The following ACSL4 variants were observed in gnomAD, a reference collection of about 807,000 sequenced individuals.
ACSL4 encodes acyl-CoA synthetase long chain family member 4, also known as long-chain-fatty-acid--CoA ligase 4.
ACSL4 carries 9 observed loss-of-function variants against 49.1 expected under a neutral mutation model. The observed-to-expected ratio is 0.18, with a 90% CI of 0.11 to 0.32. ACSL4 has a LOEUF of 0.32. Ranked by LOEUF, ACSL4 falls within the 10% of genes least tolerant of loss-of-function variation. The pLI, the probability that ACSL4 is intolerant of heterozygous loss-of-function variation, is 1.00. For synonymous variants in ACSL4, 191 were observed against 170.3 expected (o/e 1.12, Z -0.95); for missense variants, 333 against 493.7 (o/e 0.67, Z 3.08).
intron 2 of ACSL4, among the ~76,000 whole-genome samples, chrX:109,690,759 G>C (rs1024269105): frequency 3.7e-5 from 3 of 80,464 alleles, no homozygotes; most frequent in Non-Finnish European, 4.9e-5. Context: ...AGACATTTTA[G>C]GGGGGGGGGG....
At chrX:109,669,610 G>A (rs1223359139) in intron 9 of ACSL4, among the ~76,000 whole-genome samples, 1 of 111,525 alleles carries the variant, frequency 9.0e-6, no homozygotes, top group Non-Finnish European at 1.9e-5. Flanking sequence ...AGCCAGGCTG[G>A]TGTCGAACTC....
chrX:109,669,543 G>A (rs760156868), intron 9 of ACSL4, among the ~76,000 whole-genome samples: 1 of 110,428 alleles, frequency 9.1e-6, no homozygotes, highest in South Asian at 3.9e-4. Context: ...ACAGGCGCCT[G>A]CCACCACACC....
At chrX:109,656,167 C>T in intron 15 of ACSL4, among the ~76,000 whole-genome samples, 1 of 110,877 alleles carries the variant, frequency 9.0e-6, no homozygotes, top group East Asian at 2.8e-4. Context: ...GGATAAAGGG[C>T]TCTAAGAAGT....
chrX:109,692,449 T>A (rs1468659773), intron 2 of ACSL4, among the ~76,000 whole-genome samples: 2 of 112,187 alleles, frequency 1.8e-5, no homozygotes, highest in Non-Finnish European at 3.8e-5. Context: ...ATTTAAGGAA[T>A]CTTGAGGATA....
At chrX:109,725,431 C>A (rs1353872527) in intron 1 of ACSL4, among the ~76,000 whole-genome samples, 3 of 111,248 alleles carry the variant, frequency 2.7e-5, no homozygotes, top group African/African-American at 9.8e-5. Context: ...TAACTCCAGG[C>A]CCATTGATTT....
At chrX:109,707,340 C>T (rs1455206331) in intron 1 of ACSL4, among the ~76,000 whole-genome samples, 2 of 112,239 alleles carry the variant, frequency 1.8e-5, no homozygotes, top group Admixed American at 9.5e-5. Flanking sequence ...CAAAAGTATA[C>T]AAAAAGGCAC....
chrX:109,705,916 C>CA (rs1926320116), intron 1 of ACSL4, among the ~76,000 whole-genome samples: 1 of 112,561 alleles, frequency 8.9e-6, no homozygotes, highest in Non-Finnish European at 1.9e-5. Context: ...AGGCTGGTCT[C>CA]AAACTCCCGA....
At chrX:109,716,392 TA>T (rs1416079868) in intron 1 of ACSL4, among the ~76,000 whole-genome samples, 2 of 112,360 alleles carry the variant, frequency 1.8e-5, no homozygotes, top group African/African-American at 6.5e-5. Flanking sequence ...TGAATGTTAT[TA>T]AAAACTTCCT....
At chrX:109,711,275 C>T (rs960481892) in intron 1 of ACSL4, among the ~76,000 whole-genome samples, 7 of 111,961 alleles carry the variant, frequency 6.3e-5, no homozygotes, top group African/African-American at 2.3e-4. Context: ...ATCCTATAAG[C>T]TCCAGCTCTT....
At chrX:109,670,772 C>T (rs1603403297) in intron 9 of ACSL4, among the ~76,000 whole-genome samples, 1 of 111,342 alleles carries the variant, frequency 9.0e-6, no homozygotes, top group Admixed American at 9.4e-5. Flanking sequence ...ATTGCAGGCG[C>T]GTGCCGCCAC....
intron 10 of ACSL4, among the ~76,000 whole-genome samples, chrX:109,668,687 T>A (rs750837264): frequency 1.8e-5 from 2 of 112,076 alleles, no homozygotes; most frequent in African/African-American, 6.5e-5. Context: ...ATACAATAAA[T>A]CAGAAACCTT....
At chrX:109,654,136 T>C (rs1029669256) in intron 15 of ACSL4, among the ~76,000 whole-genome samples, 8 of 110,288 alleles carry the variant, frequency 7.3e-5, no homozygotes, top group African/African-American at 2.6e-4. Context: ...CACCTAAAAA[T>C]CTAATAGGGA....
intron 15 of ACSL4, among the ~76,000 whole-genome samples, chrX:109,648,779 T>C (rs1224702100): frequency 2.5e-4 from 25 of 101,228 alleles, no homozygotes; most frequent in Admixed American, 1.7e-3. Context: ...GAAAACCCCA[T>C]TGTCTCAGCC....
chrX:109,719,095 T>TAAAC (rs77436758), intron 1 of ACSL4, among the ~76,000 whole-genome samples: 46,731 of 110,125 alleles, frequency 0.42, 8,279 homozygotes, highest in Middle Eastern at 0.61. Context: ...ACAAACAAAA[T>TAAAC]AAACAAACAA....
At position 109,691,808 on chromosome X, in the gene ACSL4, A is replaced by G. The variant is rs188416276; in HGVS notation, c.-13+4336T>C. ...TTGCAAATAACAAGCAGTCTATTCAATATCAAATAACTTGTGCAATCAAAC... is the reference window on the plus strand; with the variant it reads ...TTGCAAATAACAAGCAGTCTATTCAGTATCAAATAACTTGTGCAATCAAAC... On this transcript the variant is annotated intron_variant, in intron 2 of 15. Transcript: ENST00000672401. 5.0e-3 allele frequency among the ~76,000 whole-genome samples: 559 copies of G among 112,229 alleles called. 5 individuals are homozygous for G. The highest frequency in any genetic ancestry group is 0.015 in the African/African-American group (471 of 30,925).
At chrX:109,669,681 C>T (rs1211817162) in intron 9 of ACSL4, among the ~76,000 whole-genome samples, 3 of 112,294 alleles carry the variant, frequency 2.7e-5, no homozygotes, top group Non-Finnish European at 5.6e-5. Flanking sequence ...CGTGAGCCAC[C>T]GTGCCCAGCC....
intron 1 of ACSL4, among the ~76,000 whole-genome samples, chrX:109,714,712 C>A (rs779146084): frequency 8.9e-6 from 1 of 112,123 alleles, no homozygotes; most frequent in Non-Finnish European, 1.9e-5. Context: ...CAGTCACATG[C>A]TGTACAGGTT....
At chrX:109,668,380 A>G in intron 10 of ACSL4, 107 bp from the exon 11 acceptor site, 5 of 687,181 alleles carry the variant, frequency 7.3e-6, no homozygotes, top group Non-Finnish European at 1.1e-5. Context: ...GAACATCTCA[A>G]TGTCAGAATC....
At chrX:109,687,125 T>C (rs1050456053) in intron 2 of ACSL4, among the ~76,000 whole-genome samples, 5 of 111,962 alleles carry the variant, frequency 4.5e-5, no homozygotes, top group Non-Finnish European at 9.4e-5. Context: ...CCCAGTGCTC[T>C]TTCAAGTACA....
Sources: allele counts gnomAD v4.1 joint callset (sites outside exome capture counted in the v4.1 genomes callset), GRCh38; gene constraint gnomAD v4.1.1; transcripts MANE v1.5; gene names NCBI Gene and HGNC (gene_info 2026-07-23, HGNC 2026-07-21).